The following VPS13D variants were observed in gnomAD, a reference collection of about 807,000 sequenced individuals.
VPS13D encodes vacuolar protein sorting 13 homolog D.
In VPS13D, 187 loss-of-function variants were observed where a neutral mutation model predicts 461.9. The ratio of observed to expected loss-of-function variants is 0.40; its 90% CI spans 0.36 to 0.46. VPS13D has a LOEUF of 0.46. Ranked by LOEUF, VPS13D falls within the 20% of genes least tolerant of loss-of-function variation. The probability of loss-of-function intolerance (pLI) is 0.60; values close to 1 mark genes in which losing one functional copy is unlikely to be tolerated. For missense variants in VPS13D, 4,711 were observed against 5,364.9 expected (o/e 0.88, Z 3.81); for synonymous variants, 1,951 against 1,986.3 (o/e 0.98, Z 0.47).
intron 5 of VPS13D, 111 bp downstream of exon 5, chr1:12,244,728 GT>G (rs1557660582): frequency 9.8e-7 from 1 of 1,015,376 alleles, no homozygotes; most frequent in Non-Finnish European, 1.5e-6. Context: ...GATCTAGGGT[GT>G]AGATGGGGCT....
intron 65 of VPS13D, among the ~76,000 whole-genome samples, chr1:12,438,103 C>T (rs1645084361): frequency 6.6e-6 from 1 of 152,196 alleles, no homozygotes; most frequent in Non-Finnish European, 1.5e-5. Context: ...TAGCTCATCA[C>T]TTATGTCCTG....
At chr1:12,481,857 G>A (rs148676574) in intron 67 of VPS13D, among the ~76,000 whole-genome samples, 136 of 152,242 alleles carry the variant, frequency 8.9e-4, no homozygotes, top group African/African-American at 3.1e-3. Flanking sequence ...AGGGAATTTC[G>A]GGCAAGCAAG....
chr1:12,435,506 A>AT (rs1351609411), intron 65 of VPS13D, among the ~76,000 whole-genome samples: 1 of 152,106 alleles, frequency 6.6e-6, no homozygotes, highest in African/African-American at 2.4e-5. Context: ...CTGCTTCACT[A>AT]TGTGCCAGGT....
rs753789483 is a variant in VPS13D at position 12,304,610 on chromosome 1, G to A, written c.6321G>A (p.Thr2107=). ...GAACCCATTCCCAGGGGCAGTTCAC[G>A]ATGCCTCTTGCTGGAATGAGCCTAG... The part of the protein sequence containing the change: ...PRGTHSQGQF[T]MPLAGMSLGS... The change falls in exon 26 of 70, where the codon ACG becomes ACA. Residue 2107 remains threonine (T), a synonymous_variant. Transcript: ENST00000620676. 15 of 1,614,104 alleles carry A rather than the reference G, an allele frequency of 9.3e-6. No individual in the cohort carries two copies. Among genetic ancestry groups the A allele is most frequent in the Middle Eastern group, 1.6e-4 (1 of 6,062 alleles).
At chr1:12,306,398 C>A (rs1054961053) in intron 26 of VPS13D, among the ~76,000 whole-genome samples, 8 of 152,186 alleles carry the variant, frequency 5.3e-5, no homozygotes, top group Non-Finnish European at 1.2e-4. Context: ...GCATGCACAT[C>A]TAGAACACAG....
rs74053830 is a variant in VPS13D at position 12,257,235 on chromosome 1, T to C, written c.941+148T>C. The C allele has an allele frequency of 2.5e-3, 1,657 of 664,356 alleles. 22 individuals carry two copies. In the African/African-American group the frequency reaches 0.027, roughly 11 times the overall value. The allele number at this position is 664,356 out of a possible 1,614,324, so 41.2% of individuals were successfully genotyped here. ...TCTGGTCCTTGGAATGCCATTCCCA[T>C]TGTTTATCATCATTGATATTCTTTC... is the stretch of plus-strand genomic sequence containing the variant. On this transcript the variant is annotated intron_variant, in intron 9 of 69. Transcript: ENST00000620676.
intron 67 of VPS13D, among the ~76,000 whole-genome samples, chr1:12,471,699 G>A (rs180978214): frequency 1.3e-5 from 2 of 152,190 alleles, no homozygotes; most frequent in African/African-American, 4.8e-5. Context: ...TATTATGACT[G>A]TGTAAATAGT....
rs772448717 is a variant in VPS13D, at chr1:12,277,641, A to G, written c.4053A>G (p.Glu1351=). The change falls in exon 19 of 70, where the codon GAA becomes GAG. Residue 1351 remains glutamate (E), a synonymous_variant. Coordinates refer to ENST00000620676, the MANE Select transcript of VPS13D (RefSeq NM_015378.4). ...SLFETPRKTR[E]PFILEENEIY... is the part of the protein sequence containing the mutation. ...TTGAAACTCCAAGGAAGACTCGGGA[A>G]CCCTTTATCTTAGAGGAAAATGAAA... 25 of 1,614,080 alleles carry G rather than the reference A, an allele frequency of 1.5e-5. No homozygotes were observed. The South Asian group carries it at 2.7e-4, about 18-fold the overall frequency.
At chr1:12,354,424 C>T (rs1643868501) in intron 47 of VPS13D, among the ~76,000 whole-genome samples, 2 of 152,116 alleles carry the variant, frequency 1.3e-5, no homozygotes, top group Non-Finnish European at 2.9e-5. Context: ...GTCCCAGCTT[C>T]TCAGGAGGCT....
In VPS13D at chr1:12,509,200, G is replaced by T; in HGVS notation, c.*176G>T. The T allele has an allele frequency of 1.4e-6, 1 of 731,058 alleles. No homozygotes were observed. The highest frequency in any genetic ancestry group is 2.1e-6 in the Non-Finnish European group (1 of 478,408). The allele number at this position is 731,058 out of a possible 1,614,324, so 45.3% of individuals were successfully genotyped here. ...GTACAAATGGAAATCGTATTAATTT[G>T]TGAGGCAGGGAGTTATTTTAGATTA... On this transcript the variant is annotated 3_prime_UTR_variant, in exon 70 of 70. Coordinates refer to ENST00000620676, the MANE Select transcript of VPS13D (RefSeq NM_015378.4).
At chr1:12,335,891 G>T in intron 39 of VPS13D, 64 bp downstream of exon 39, 1 of 1,603,572 alleles carries the variant, frequency 6.2e-7, no homozygotes, top group South Asian at 1.1e-5. Flanking sequence ...ATGCTTCACT[G>T]AGAAATTCAA....
intron 52 of VPS13D, 68 bp downstream of exon 52, chr1:12,363,315 A>G: frequency 6.6e-7 from 1 of 1,510,164 alleles, no homozygotes; most frequent in African/African-American, 1.4e-5. Flanking sequence ...TGTAATAACA[A>G]GCCTTGTGTA....
intron 67 of VPS13D, among the ~76,000 whole-genome samples, chr1:12,494,634 G>T (rs1478087489): frequency 2.0e-5 from 3 of 152,186 alleles, no homozygotes; most frequent in Admixed American, 2.0e-4. Flanking sequence ...CTGGTAGCAT[G>T]TTTTCCCTCA....
intron 5 of VPS13D, among the ~76,000 whole-genome samples, chr1:12,246,955 T>C (rs1471275369): frequency 1.3e-5 from 2 of 152,330 alleles, no homozygotes; most frequent in African/African-American, 4.8e-5. Context: ...TGTATAGGGT[T>C]TTGGGTGAAC....
In VPS13D at chr1:12,234,291, G is replaced by A. The variant is rs1188967781; in HGVS notation, c.25G>A (p.Val9Ile). Residue 9 changes from valine to isoleucine, a missense_variant, in exon 2 of 70, where the codon GTT (valine) becomes ATT (isoleucine). Val to Ile is a conservative substitution (Grantham distance 29). Around this residue, in one of 3 missense-constraint regions of VPS13D, gnomAD observed 4,411 missense variants for 4,937.8 expected, o/e 0.89. Transcript: ENST00000620676. MLEGLVAW[V>I]LNTYLGKYVN... ...CATGTTGGAAGGCCTTGTAGCCTGG[G>A]TTCTCAATACCTATTTGGGAAAATA... 1 of 1,614,018 alleles carries A rather than the reference G, an allele frequency of 6.2e-7. No homozygotes were observed. The highest frequency in any genetic ancestry group is 2.2e-5 in the East Asian group (1 of 44,856).
At chr1:12,291,976 G>A (rs565232956) in intron 23 of VPS13D, among the ~76,000 whole-genome samples, 57 of 152,212 alleles carry the variant, frequency 3.7e-4, no homozygotes, top group African/African-American at 1.3e-3. Flanking sequence ...TATTTTCTCA[G>A]GGCTGGGCGT....
At chr1:12,324,198 T>C (rs1201731720) in intron 35 of VPS13D, among the ~76,000 whole-genome samples, 1 of 152,142 alleles carries the variant, frequency 6.6e-6, no homozygotes, top group Non-Finnish European at 1.5e-5. Context: ...CAGCAGTCTT[T>C]AGTAGTGGAT....
At chr1:12,469,593 C>G (rs1170180388) in intron 67 of VPS13D, among the ~76,000 whole-genome samples, 1 of 152,328 alleles carries the variant, frequency 6.6e-6, no homozygotes, top group South Asian at 2.1e-4. Context: ...ATAAGTAGCA[C>G]ATATCGGCAA....
At position 12,471,414 on chromosome 1, in the gene VPS13D, T is replaced by C. The variant is rs554970256; in HGVS notation, c.12662+11018T>C. ...ATCAAAGTAGATATGTATTCACTTTTTTAAGTTGAAGTCTTTCTAAATGTC... is the reference window on the plus strand; with the variant it reads ...ATCAAAGTAGATATGTATTCACTTTCTTAAGTTGAAGTCTTTCTAAATGTC... On this transcript the variant is annotated intron_variant, in intron 67 of 69. Coordinates refer to ENST00000620676, the MANE Select transcript of VPS13D (RefSeq NM_015378.4). Among the ~76,000 whole-genome samples, 14 of 152,342 alleles carry C rather than the reference T, an allele frequency of 9.2e-5. No individual in the cohort carries two copies. In the South Asian group the frequency reaches 2.7e-3, roughly 29 times the overall value.
Sources: gnomAD v4.1 joint callset for allele counts (sites outside exome capture counted in the v4.1 genomes callset) on GRCh38, gnomAD v4.1.1 for gene constraint, gnomAD v4.1.1 regional missense constraint, MANE v1.5 for transcripts, NCBI Gene and HGNC (gene_info 2026-07-23, HGNC 2026-07-21) for gene names.